ATXN3: variants seen among roughly 807,000 people sequenced by gnomAD.
ATXN3 encodes the protein ataxin 3.
Under a neutral mutation model 58.2 loss-of-function variants are expected in ATXN3, and 28 were observed. The observed-to-expected ratio is 0.48, with a 90% CI of 0.36 to 0.66. The LOEUF is 0.66. ATXN3 is among the 30% of genes least tolerant of loss of function. ATXN3 has a pLI of 0.00. For missense variants in ATXN3, 321 were observed against 422.1 expected (o/e 0.76, Z 2.10); for synonymous variants, 113 against 138.5 (o/e 0.82, Z 1.29).
intron 9 of ATXN3, among the ~76,000 whole-genome samples, chr14:92,074,188 ACAGTGGCGGGTGCCTGTAATCC>A (rs1032456297): frequency 6.7e-6 from 1 of 149,340 alleles, no homozygotes; most frequent in Non-Finnish European, 1.5e-5. Flanking sequence ...TTGGCTGGGC[ACAGTGGCGGGTGCCTGTAATCC>A]CAGCTACTCA....
intron 3 of ATXN3, among the ~76,000 whole-genome samples, chr14:92,095,742 C>T (rs1410282901): frequency 6.6e-6 from 1 of 151,202 alleles, no homozygotes; most frequent in African/African-American, 2.4e-5. Context: ...GAGTTGGAGA[C>T]CAGACTGGCC....
At chr14:92,096,522 G>T in intron 2 of ATXN3, 152 bp downstream of exon 2, 1 of 835,294 alleles carries the variant, frequency 1.2e-6, no homozygotes, top group Non-Finnish European at 1.8e-6. Context: ...TACTTGGGAG[G>T]CTGAGGCAGG....
intron 1 of ATXN3, among the ~76,000 whole-genome samples, chr14:92,048,329 C>G (rs531051306): frequency 1.3e-4 from 20 of 152,350 alleles, no homozygotes; most frequent in African/African-American, 4.3e-4. Context: ...TGCCTCTACT[C>G]TATTATTGTA....
intron 10 of ATXN3, among the ~76,000 whole-genome samples, chr14:92,068,752 G>A (rs2058887201): frequency 1.3e-5 from 2 of 151,906 alleles, no homozygotes; most frequent in African/African-American, 2.4e-5. Context: ...CACCATGCCC[G>A]ACTAATCTTG....
At chr14:92,092,458 C>T (rs144235163) in intron 5 of ATXN3, among the ~76,000 whole-genome samples, 2 of 152,166 alleles carry the variant, frequency 1.3e-5, no homozygotes, top group African/African-American at 2.4e-5. Flanking sequence ...TGTAGACGTA[C>T]GTATTACATG....
rs1198380735 is a variant in ATXN3 at position 92,105,428 on chromosome 14, TA to T, written c.24+1100del. 5.3e-5 allele frequency among the ~76,000 whole-genome samples: 8 copies of T among 152,188 alleles called. No individual in the cohort carries two copies. The South Asian group carries it at 1.5e-3, about 28-fold the overall frequency. Reference sequence around the variant, plus strand: ...GAGACCCCATCTTTAAAATAAAAATTAAAAAAAATTTATGCTACAGATTTAC... The same window carrying T: ...GAGACCCCATCTTTAAAATAAAAATTAAAAAAATTTATGCTACAGATTTAC... On this transcript the variant is annotated intron_variant, in intron 1 of 10. Coordinates refer to ENST00000644486, the MANE Select transcript of ATXN3 (RefSeq NM_004993.6).
In ATXN3 at chr14:92,060,369, G is replaced by A. The variant is rs1462161038; in HGVS notation, c.*3951C>T. The A allele has an allele frequency of 6.6e-6, 1 of 150,680 alleles. No homozygotes were observed. Among genetic ancestry groups the A allele is most frequent in the African/African-American group, 2.4e-5 (1 of 40,928 alleles). The allele number at this position is 150,680 out of a possible 1,614,324, so 9.3% of individuals were successfully genotyped here. ...CAACCTCTGCCTCCTAGGCTCATGC[G>A]ATTCTTAGCCTCCTGAGTAGCTGGG... On this transcript the variant is annotated 3_prime_UTR_variant, in exon 11 of 11. Transcript: ENST00000644486.
intron 1 of ATXN3, among the ~76,000 whole-genome samples, chr14:92,099,431 C>A (rs2066206139): frequency 1.3e-5 from 2 of 152,226 alleles, no homozygotes; most frequent in South Asian, 4.1e-4. Context: ...AGAGAGAACA[C>A]TATCCCCCAA....
intron 1 of ATXN3, among the ~76,000 whole-genome samples, chr14:92,100,118 TA>T (rs2066434243): frequency 6.6e-6 from 1 of 152,102 alleles, no homozygotes; most frequent in South Asian, 2.1e-4. Context: ...CTAAAATGGC[TA>T]AAATGTTGGA....
In ATXN3 at chr14:92,096,746, C is replaced by T. The variant is rs772116798; in HGVS notation, c.117G>A (p.Gln39=). The change falls in exon 2 of 11, where the codon CAG becomes CAA. Residue 39 remains glutamine, a synonymous_variant. Transcript: ENST00000644486. ...SPVELSSIAH[Q]LDEEERMRMA... is the part of the protein sequence containing the mutation. Reference sequence around the variant, plus strand: ...TTCTCATCCTCTCCTCCTCATCCAGCTGATGTGCAATTGAGGATAATTCCA... The same window carrying T: ...TTCTCATCCTCTCCTCCTCATCCAGTTGATGTGCAATTGAGGATAATTCCA... 31 of 1,613,964 alleles carry T rather than the reference C, an allele frequency of 1.9e-5. 2 individuals carry two copies. In the South Asian group the frequency reaches 2.9e-4, roughly 15 times the overall value.
chr14:92,093,712 A>T, intron 4 of ATXN3, 34 bp downstream of exon 4: 2 of 1,450,752 alleles, frequency 1.4e-6, no homozygotes, highest in East Asian at 4.5e-5. Context: ...AAATTTGGGA[A>T]AAGAAATGTA....
At chr14:92,082,517 C>T (rs781154422) in intron 7 of ATXN3, 51 bp from the exon 8 acceptor site, 43 of 1,514,578 alleles carry the variant, frequency 2.8e-5, no homozygotes, top group Non-Finnish European at 3.8e-5. Flanking sequence ...CTATTTTAGA[C>T]ATAACATAAA....
intron 5 of ATXN3, among the ~76,000 whole-genome samples, chr14:92,091,867 AT>A (rs35361481): frequency 0.27 from 40,159 of 146,524 alleles, 5,561 homozygotes; most frequent in East Asian, 0.42. Flanking sequence ...TTTTTCTTTC[AT>A]TTTTTTTTTA....
intron 2 of ATXN3, among the ~76,000 whole-genome samples, chr14:92,045,524 A>T (rs1432940603): frequency 6.6e-6 from 1 of 152,006 alleles, no homozygotes; most frequent in Admixed American, 6.6e-5. Flanking sequence ...TCAATTTGCT[A>T]GTCCTGGGTG....
In ATXN3 at chr14:92,096,674, C is replaced by G; in HGVS notation, c.189G>C (p.Gln63His). The G allele has an allele frequency of 2.5e-6, 4 of 1,608,328 alleles. No individual in the cohort carries two copies. Among genetic ancestry groups the G allele is most frequent in the Non-Finnish European group, 3.4e-6 (4 of 1,177,792 alleles). The stretch of plus-strand genomic sequence containing the variant: ...GACTTAGTGAGTTTAAAATCAGTAC[C>G]TGTAAAAACGTGCGATAATCTTCAC... ...VTSEDYRTFL[Q>H]QPSGNMDDSG... Residue 63 changes from glutamine (Q) to histidine (H), a missense_variant and splice_region_variant, in exon 2 of 11, where the codon CAG becomes CAC. Transcript: ENST00000644486.
At chr14:92,083,510 GA>G in intron 6 of ATXN3, 1 of 597,118 alleles carries the variant, frequency 1.7e-6, no homozygotes, top group Non-Finnish European at 3.1e-6. Flanking sequence ...GTGACTGTGA[GA>G]AATAAATATG....
chr14:92,058,400 T>C (rs935427891), downstream of ATXN3: 1 of 152,256 alleles, frequency 6.6e-6, no homozygotes, highest in Non-Finnish European at 1.5e-5. Flanking sequence ...GGCAGGATCA[T>C]AGCTCACTGC....
chr14:92,057,973 G>A (rs1293465098), downstream of ATXN3, among the ~76,000 whole-genome samples: 1 of 152,064 alleles, frequency 6.6e-6, no homozygotes, highest in Non-Finnish European at 1.5e-5. Context: ...GCCTCTCAAA[G>A]TGCTAGGATT....
Position 92,082,362 on chromosome 14 carries a change from T to C in ATXN3, c.713A>G (p.Gln238Arg), listed in dbSNP as rs1255817211. ...DLQRALALSR[Q>R]EIDMEDEEAD... is the part of the protein sequence containing the mutation. ...TTCCTCATCTTCCATGTCAATTTCT[T>C]GGCGACTTAGTGCCAGAGCCCTCTG... Residue 238 changes from glutamine (Q) to arginine (R), a missense_variant, in exon 8 of 11, where the codon CAA becomes CGA. Transcript: ENST00000644486. 6.2e-7 allele frequency: 1 copy of C among 1,614,194 alleles called. No individual in the cohort carries two copies. Among genetic ancestry groups the C allele is most frequent in the Non-Finnish European group, 8.5e-7 (1 of 1,180,034 alleles).
Sources: allele counts gnomAD v4.1 joint callset (sites outside exome capture counted in the v4.1 genomes callset), GRCh38; gene constraint gnomAD v4.1.1; transcripts MANE v1.5; gene names NCBI Gene and HGNC (gene_info 2026-07-23, HGNC 2026-07-21).